The following LRP10 variants were observed in gnomAD, a reference collection of about 807,000 sequenced individuals.
LRP10 encodes the protein low-density lipoprotein receptor-related protein 10.
In LRP10, 42 loss-of-function variants were observed where a neutral mutation model predicts 58.5. That is an observed-to-expected ratio of 0.72 (90% confidence interval 0.56 to 0.93). The LOEUF (loss-of-function observed/expected upper bound fraction) is 0.93, where lower values mean the gene tolerates loss of function less well. Ranked by LOEUF, LRP10 falls within the 40% of genes least tolerant of loss-of-function variation. LRP10 has a pLI of 0.00. For synonymous variants in LRP10, 377 were observed against 388.5 expected (o/e 0.97, Z 0.35); for missense variants, 872 against 940.1 (o/e 0.93, Z 0.95).
rs1349993833 is a variant in LRP10, at chr14:22,878,449, C to T, written c.*922C>T. 6.6e-6 allele frequency: 1 copy of T among 152,202 alleles called. No individual in the cohort carries two copies. The highest frequency in any genetic ancestry group is 1.5e-5 in the Non-Finnish European group (1 of 68,064). The allele number at this position is 152,202 out of a possible 1,614,324, so 9.4% of individuals were successfully genotyped here. On this transcript the variant is annotated 3_prime_UTR_variant, in exon 7 of 7. Coordinates refer to ENST00000359591, the MANE Select transcript of LRP10 (RefSeq NM_014045.5). ...GAGCCCAGATCATAGGAGCAGCTGT[C>T]CCTGGTGGGACACAGGAGTCATGAC...
In LRP10 at chr14:22,879,328, G is replaced by A. The variant is rs577830573; in HGVS notation, c.*1801G>A. Reference sequence around the variant, plus strand: ...ACCCTCTCCAGAGACTGGGGAGAGGGCTCTGGAGAACCTGGTTCTTGCTTA... The same window carrying A: ...ACCCTCTCCAGAGACTGGGGAGAGGACTCTGGAGAACCTGGTTCTTGCTTA... On this transcript the variant is annotated 3_prime_UTR_variant, in exon 7 of 7. Coordinates refer to ENST00000359591, the MANE Select transcript of LRP10 (RefSeq NM_014045.5). 5.2e-6 allele frequency: 2 copies of A among 381,740 alleles called. No individual in the cohort carries two copies. The highest frequency in any genetic ancestry group is 4.2e-5 in the African/African-American group (2 of 47,842). The allele number at this position is 381,740 out of a possible 1,614,324, so 23.6% of individuals were successfully genotyped here.
intron 3 of LRP10, among the ~76,000 whole-genome samples, chr14:22,874,385 A>T (rs1485465000): frequency 6.6e-6 from 1 of 152,194 alleles, no homozygotes; most frequent in Admixed American, 6.5e-5. Context: ...TGGTTAATTG[A>T]ACTGTATGGT....
At position 22,873,522 on chromosome 14, in the gene LRP10, ACTT is replaced by A. The variant is rs1252962743; in HGVS notation, c.215+80_215+82del. The A allele has an allele frequency of 1.5e-5, 21 of 1,432,454 alleles. No individual in the cohort carries two copies. In the East Asian group the frequency reaches 2.6e-4, roughly 17 times the overall value. The allele number at this position is 1,432,454 out of a possible 1,614,324, so 88.7% of individuals were successfully genotyped here. Reference sequence around the variant, plus strand: ...CCTCCATTGGAAGTCTTCAGGGATCACTTCTTTTTTTTTTTTTTTGAGACGGAG... The same window carrying A: ...CCTCCATTGGAAGTCTTCAGGGATCACTTTTTTTTTTTTTTTGAGACGGAG... On this transcript the variant is annotated intron_variant, in intron 3 of 6. Coordinates refer to ENST00000359591, the MANE Select transcript of LRP10 (RefSeq NM_014045.5).
intron 3 of LRP10, among the ~76,000 whole-genome samples, chr14:22,873,987 C>A (rs948513998): frequency 2.0e-5 from 3 of 152,186 alleles, no homozygotes; most frequent in Non-Finnish European, 1.5e-5. Context: ...TTGAGTCCTG[C>A]GCATCTCCAA....
At chr14:22,872,416 A>T in intron 1 of LRP10, 79 bp downstream of exon 1, 1 of 1,544,830 alleles carries the variant, frequency 6.5e-7, no homozygotes, top group Non-Finnish European at 8.9e-7. Context: ...GCGGCCCCGC[A>T]CTCTATCCTG....
chr14:22,876,148 G>A lies in LRP10; in HGVS notation c.1200G>A (p.Gln400=), dbSNP rs753086172. The stretch of plus-strand genomic sequence containing the variant: ...ATGAGAGACGCTGTCGGCATTGCCA[G>A]CCTGGCAATTTCCGATGCCGGGACG... ...GADERRCRHC[Q]PGNFRCRDEK... is the part of the protein sequence containing the mutation. Residue 400 remains glutamine (Q), a synonymous_variant, in exon 5 of 7, where the codon CAG becomes CAA. Coordinates refer to ENST00000359591, the MANE Select transcript of LRP10 (RefSeq NM_014045.5). The A allele has an allele frequency of 3.7e-6, 6 of 1,614,230 alleles. No homozygotes were observed. The South Asian group carries it at 6.6e-5, about 18-fold the overall frequency.
At position 22,879,352 on chromosome 14, in the gene LRP10, T is replaced by G. The variant is rs1442142871; in HGVS notation, c.*1825T>G. On this transcript the variant is annotated 3_prime_UTR_variant, in exon 7 of 7. Transcript: ENST00000359591. ...GGCTCTGGAGAACCTGGTTCTTGCT[T>G]ACTGTTCTCCCTTTGGGCCCTCCTT... The G allele has an allele frequency of 2.9e-5, 10 of 346,630 alleles. No individual in the cohort carries two copies. The highest frequency in any genetic ancestry group is 4.5e-4 in the Middle Eastern group (1 of 2,224). 21.5% of individuals were successfully genotyped at this position (346,630 alleles called of 1,614,324 possible).
rs2040014259 is a variant in LRP10, at chr14:22,877,017, C to G, written c.1632C>G (p.Ala544=). Residue 544 remains alanine, a synonymous_variant, in exon 7 of 7, where the codon GCC becomes GCG. Transcript: ENST00000359591. This position sits in a 1 kb window ranked among gnomAD's most constrained non-coding sequence, Gnocchi z 5.1. ...QDMTPGGGPG[A]RRRQRGRLMR... ...TGACTCCAGGAGGTGGCCCAGGTGCCCGCCGTCGTCAGCGGGGCCGCTTGA... is the reference window on the plus strand; with the variant it reads ...TGACTCCAGGAGGTGGCCCAGGTGCGCGCCGTCGTCAGCGGGGCCGCTTGA... 1.2e-6 allele frequency: 2 copies of G among 1,612,324 alleles called. No individual in the cohort carries two copies. The highest frequency in any genetic ancestry group is 4.5e-5 in the East Asian group (2 of 44,868).
At chr14:22,874,110 A>G (rs1206863976) in intron 3 of LRP10, among the ~76,000 whole-genome samples, 1 of 152,250 alleles carries the variant, frequency 6.6e-6, no homozygotes, top group Admixed American at 6.5e-5. Flanking sequence ...TAATCAGCTT[A>G]GAACATCCCT....
At position 22,879,319 on chromosome 14, in the gene LRP10, G is replaced by A; in HGVS notation, c.*1792G>A. 1 of 406,324 alleles carries A rather than the reference G, an allele frequency of 2.5e-6. No individual in the cohort carries two copies. The highest frequency in any genetic ancestry group is 1.7e-5 in the South Asian group (1 of 60,208). 25.2% of individuals were successfully genotyped at this position (406,324 alleles called of 1,614,324 possible). A position where few individuals can be genotyped will look rare whatever the true frequency, so the allele number is the denominator to read the frequency against. Reference sequence around the variant, plus strand: ...TCACTGCAGACCCTCTCCAGAGACTGGGGAGAGGGCTCTGGAGAACCTGGT... The same window carrying A: ...TCACTGCAGACCCTCTCCAGAGACTAGGGAGAGGGCTCTGGAGAACCTGGT... On this transcript the variant is annotated 3_prime_UTR_variant, in exon 7 of 7. Transcript: ENST00000359591.
In LRP10 at chr14:22,877,376, C is replaced by T. The variant is rs1017581059; in HGVS notation, c.1991C>T (p.Pro664Leu). ...VVQALRGRLL[P>L]SLGPPGPTRS... ...CAGGCCCTGCGAGGCCGCCTGTTGC[C>T]CAGCCTGGGGCCCCCAGGACCAACC... The change falls in exon 7 of 7, where the codon CCC (proline) becomes CTC (leucine). Residue 664 changes from proline to leucine, a missense_variant. Transcript: ENST00000359591. The surrounding 1 kb of genome is among the most constrained non-coding windows in gnomAD (Gnocchi z 5.1). The T allele has an allele frequency of 1.8e-5, 29 of 1,613,738 alleles. No homozygotes were observed. Among genetic ancestry groups the T allele is most frequent in the Non-Finnish European group, 2.4e-5 (28 of 1,179,856 alleles).
Position 22,872,094 on chromosome 14 carries a change from A to G in LRP10, c.-210A>G. The G allele has an allele frequency of 5.0e-6, 3 of 602,082 alleles. No individual in the cohort carries two copies. Among genetic ancestry groups the G allele is most frequent in the Non-Finnish European group, 8.9e-6 (3 of 338,862 alleles). 37.3% of individuals were successfully genotyped at this position (602,082 alleles called of 1,614,324 possible). ...GGCGGCGGACGGAGAAAACAACTCC[A>G]AAGTTGGCGAAAGGCACCGCCCCTA... is the stretch of plus-strand genomic sequence containing the variant. On this transcript the variant is annotated 5_prime_UTR_variant, in exon 1 of 7. Coordinates refer to ENST00000359591, the MANE Select transcript of LRP10 (RefSeq NM_014045.5).
chr14:22,872,432 C>G (rs1202118730), intron 1 of LRP10, 95 bp downstream of exon 1: 30 of 1,453,602 alleles, frequency 2.1e-5, no homozygotes, highest in Middle Eastern at 1.8e-4. Flanking sequence ...TCCTGCCTGC[C>G]CATTCCCCCC....
In LRP10 at chr14:22,877,003, G is replaced by C. The variant is rs751116243; in HGVS notation, c.1618G>C (p.Gly540Arg). The change falls in exon 7 of 7, where the codon GGT (glycine) becomes CGT (arginine). Residue 540 changes from glycine to arginine, a missense_variant. Physicochemically the swap from Gly to Arg is moderately radical, Grantham distance 125 (BLOSUM62 -2). Transcript: ENST00000359591. The surrounding 1 kb of genome is among the most constrained non-coding windows in gnomAD (Gnocchi z 5.1). ...CTTACGCCAGGATATGACTCCAGGA[G>C]GTGGCCCAGGTGCCCGCCGTCGTCA... ...QILRQDMTPG[G>R]GPGARRRQRG... 1 of 1,610,886 alleles carries C rather than the reference G, an allele frequency of 6.2e-7. No individual in the cohort carries two copies. The highest frequency in any genetic ancestry group is 8.5e-7 in the Non-Finnish European group (1 of 1,178,482).
intron 5 of LRP10, 66 bp from the exon 6 acceptor site, chr14:22,876,623 T>TC: frequency 6.3e-7 from 1 of 1,576,820 alleles, no homozygotes; most frequent in Non-Finnish European, 8.6e-7. Context: ...GGGAGGACTG[T>TC]CCAGGCTGAG....
Position 22,879,291 on chromosome 14 carries a change from C to T in LRP10, c.*1764C>T. The stretch of plus-strand genomic sequence containing the variant: ...CTTGGCTCAGGGAAGACCCGAGCTC[C>T]TTTCACTGCAGACCCTCTCCAGAGA... On this transcript the variant is annotated 3_prime_UTR_variant, in exon 7 of 7. Coordinates refer to ENST00000359591, the MANE Select transcript of LRP10 (RefSeq NM_014045.5). 1 of 448,686 alleles carries T rather than the reference C, an allele frequency of 2.2e-6. No homozygotes were observed. 27.8% of individuals were successfully genotyped at this position (448,686 alleles called of 1,614,324 possible).
chr14:22,875,496 C>T lies in LRP10; in HGVS notation c.548C>T (p.Thr183Ile), dbSNP rs763774541. The T allele has an allele frequency of 6.2e-7, 1 of 1,614,206 alleles. No individual in the cohort carries two copies. The highest frequency in any genetic ancestry group is 1.1e-5 in the South Asian group (1 of 91,088). ...AGCTCAGACCCCTTCCCTGGCCTGACCCCAAGACCCGTCCCCTCCCTGCCT... is the reference window on the plus strand; with the variant it reads ...AGCTCAGACCCCTTCCCTGGCCTGATCCCAAGACCCGTCCCCTCCCTGCCT... ...GCSSDPFPGL[T>I]PRPVPSLPCN... Residue 183 changes from threonine (T) to isoleucine (I), a missense_variant, in exon 5 of 7, where the codon ACC becomes ATC. By Grantham distance (89) the Thr-to-Ile change is moderately conservative (BLOSUM62 -1). Coordinates refer to ENST00000359591, the MANE Select transcript of LRP10 (RefSeq NM_014045.5).
chr14:22,872,958 C>A, intron 2 of LRP10, 176 bp downstream of exon 2: 2 of 648,280 alleles, frequency 3.1e-6, no homozygotes, highest in South Asian at 1.9e-5. Context: ...CTGGTAGTTG[C>A]TATGTACTAT....
At position 22,877,756 on chromosome 14, in the gene LRP10, C is replaced by A. The variant is rs1450329902; in HGVS notation, c.*229C>A. ...TCTGTACGTGGCCATGGCCAGACAC[C>A]CCAGTCCCTTCACCACCACCTGCTC... On this transcript the variant is annotated 3_prime_UTR_variant, in exon 7 of 7. Transcript: ENST00000359591. The surrounding 1 kb of genome is among the most constrained non-coding windows in gnomAD (Gnocchi z 5.1). 2 of 438,208 alleles carry A rather than the reference C, an allele frequency of 4.6e-6. No homozygotes were observed. Among genetic ancestry groups the A allele is most frequent in the Non-Finnish European group, 8.0e-6 (2 of 249,444 alleles). The allele number at this position is 438,208 out of a possible 1,614,324, so 27.1% of individuals were successfully genotyped here. A position where few individuals can be genotyped will look rare whatever the true frequency, so the allele number is the denominator to read the frequency against.
Sources: gnomAD v4.1 joint callset for allele counts (sites outside exome capture counted in the v4.1 genomes callset) on GRCh38, gnomAD v4.1.1 for gene constraint, Gnocchi (gnomAD v3.1) non-coding constraint, MANE v1.5 for transcripts, NCBI Gene and HGNC (gene_info 2026-07-23, HGNC 2026-07-21) for gene names.